Variants in GBP1 observed in about 807,000 individuals in gnomAD.
GBP1 encodes guanylate binding protein 1, also known as guanylate-binding protein 1.
In GBP1, 64 loss-of-function variants were observed where a neutral mutation model predicts 69.5. That is an observed-to-expected ratio of 0.92 (90% CI 0.75 to 1.13). The LOEUF (loss-of-function observed/expected upper bound fraction) is 1.13, where lower values mean the gene tolerates loss of function less well. Ranked by LOEUF, GBP1 falls within the 50% of genes most tolerant of loss-of-function variation. The pLI is 0.00. For missense variants in GBP1, 630 were observed against 704.1 expected (o/e 0.89, Z 1.19); for synonymous variants, 250 against 261.2 (o/e 0.96, Z 0.41).
In GBP1 at chr1:89,063,077, T is replaced by C. The variant is rs759366086; in HGVS notation, c.158A>G (p.Tyr53Cys). 2 of 1,614,060 alleles carry C rather than the reference T, an allele frequency of 1.2e-6. No individual in the cohort carries two copies. ...IVGLYRTGKSYLMNKLAGKKK... is the reference protein window; with the variant it reads ...IVGLYRTGKSCLMNKLAGKKK... ...CTTTCCAGCCAGCTTGTTCATCAGG[T>C]AGGATTTGCCTGTGCGGTAGAGGCC... Residue 53 changes from tyrosine to cysteine, a missense_variant, in exon 2 of 11, where the codon TAC becomes TGC. Physicochemically the swap from Tyr to Cys is radical, Grantham distance 194. Transcript: ENST00000370473.
intron 5 of GBP1, 149 bp from the exon 6 acceptor site, chr1:89,058,383 A>G (rs1257874202): frequency 1.3e-5 from 9 of 698,966 alleles, no homozygotes; most frequent in Non-Finnish European, 1.9e-5. Context: ...AGCTTTAGAC[A>G]ATATGTAAAT....
intron 2 of GBP1, among the ~76,000 whole-genome samples, chr1:89,062,179 G>A (rs371675636): frequency 2.0e-5 from 3 of 152,314 alleles, no homozygotes; most frequent in Admixed American, 6.5e-5. Flanking sequence ...CCCAAAAGAA[G>A]TGAAAGCAGG....
rs1679965207 is a variant in GBP1, at chr1:89,053,359, C to T, written c.1775G>A (p.Ser592Asn). ...KMRRRKACTI[S>N] ...GTGACAGGAAGGCTCTGGTCTTTAGCTTATGGTACATGCCTTTCGTCGTCT... is the reference window on the plus strand; with the variant it reads ...GTGACAGGAAGGCTCTGGTCTTTAGTTTATGGTACATGCCTTTCGTCGTCT... The change falls in exon 11 of 11, where the codon AGC (serine) becomes AAC (asparagine). Residue 592 changes from serine to asparagine, a missense_variant. By Grantham distance (46) the Ser-to-Asn change is conservative. Around this residue, in one of 5 missense-constraint regions of GBP1, gnomAD observed 71 missense variants for 72.7 expected, o/e 0.98. Transcript: ENST00000370473. The T allele has an allele frequency of 1.2e-6, 2 of 1,612,348 alleles. No individual in the cohort carries two copies. The highest frequency in any genetic ancestry group is 3.3e-5 in the Admixed American group (2 of 59,892).
chr1:89,055,434 G>A (rs1400787186), intron 8 of GBP1: 1 of 554,422 alleles, frequency 1.8e-6, no homozygotes, highest in East Asian at 3.2e-5. Flanking sequence ...TATAGATACT[G>A]GGAAAAGGAG....
rs768227259 is a variant in GBP1, at chr1:89,060,333, G to A, written c.191-9C>T. 4 of 1,558,976 alleles carry A rather than the reference G, an allele frequency of 2.6e-6. No homozygotes were observed. In the Admixed American group the frequency reaches 8.1e-5, roughly 31 times the overall value. On this transcript the variant is annotated splice_polypyrimidine_tract_variant and intron_variant, in intron 2 of 10. Coordinates refer to ENST00000370473, the MANE Select transcript of GBP1 (RefSeq NM_002053.3). ...GGAGCCCAGAGAGAAGCCTGCAAGGGAGAGAGGAGACCAGCGATGGGGATT... is the reference window on the plus strand; with the variant it reads ...GGAGCCCAGAGAGAAGCCTGCAAGGAAGAGAGGAGACCAGCGATGGGGATT...
chr1:89,058,414 C>CA (rs1211472416), intron 5 of GBP1, 180 bp from the exon 6 acceptor site: 1 of 588,610 alleles, frequency 1.7e-6, no homozygotes, highest in South Asian at 2.6e-5. Flanking sequence ...AGCATTATTC[C>CA]AAAAAAACCT....
rs753075692 is a variant in GBP1, at chr1:89,058,281, T to G, written c.632-47A>C. ...TATAAAATTGCCTAATATAAGTGTT[T>G]CTGTAAAGGGCCAAATAGTAAATAT... On this transcript the variant is annotated intron_variant, in intron 5 of 10. Transcript: ENST00000370473. 19 of 1,479,936 alleles carry G rather than the reference T, an allele frequency of 1.3e-5. 1 individual carries two copies. The South Asian group carries it at 2.6e-4, about 20-fold the overall frequency. The allele number at this position is 1,479,936 out of a possible 1,614,324, so 91.7% of individuals were successfully genotyped here. A position where few individuals can be genotyped will look rare whatever the true frequency, so the allele number is the denominator to read the frequency against.
chr1:89,058,246 T>C lies in GBP1; in HGVS notation c.632-12A>G, dbSNP rs1229190559. ...TTTTTGACTGGTACCTAGAAAAACA[T>C]TTAAAAAATTATAAAATTGCCTAAT... On this transcript the variant is annotated splice_polypyrimidine_tract_variant and intron_variant, in intron 5 of 10. Transcript: ENST00000370473. 1 of 1,561,186 alleles carries C rather than the reference T, an allele frequency of 6.4e-7. No individual in the cohort carries two copies. Among genetic ancestry groups the C allele is most frequent in the East Asian group, 2.2e-5 (1 of 44,560 alleles).
rs1014592216 is a variant in GBP1 at position 89,056,133 on chromosome 1, A to G, written c.1251T>C (p.Pro417=). The part of the protein sequence containing the change: ...CSALLQVIFS[P]LEEEVKAGIY... Reference sequence around the variant, plus strand: ...TTCCCGCCTTCACTTCTTCTTCTAGAGGACTGAAAATGACCTGAAGTAAAG... The same window carrying G: ...TTCCCGCCTTCACTTCTTCTTCTAGGGGACTGAAAATGACCTGAAGTAAAG... Residue 417 remains proline, a synonymous_variant, in exon 8 of 11, where the codon CCT becomes CCC. Coordinates refer to ENST00000370473, the MANE Select transcript of GBP1 (RefSeq NM_002053.3). The G allele has an allele frequency of 8.6e-5, 139 of 1,613,848 alleles. No individual in the cohort carries two copies. The highest frequency in any genetic ancestry group is 1.6e-4 in the Middle Eastern group (1 of 6,078).
chr1:89,060,135 A>T, intron 3 of GBP1, 62 bp downstream of exon 3: 1 of 1,478,646 alleles, frequency 6.8e-7, no homozygotes. Context: ...TAAACAATTA[A>T]CCGCTGCATA....
intron 7 of GBP1, 121 bp from the exon 8 acceptor site, chr1:89,056,349 C>A: frequency 6.6e-7 from 1 of 1,504,274 alleles, no homozygotes; most frequent in South Asian, 1.2e-5. Context: ...TGACAGCCTC[C>A]TCACCAGGAC....
rs149518665 is a variant in GBP1 at position 89,064,362 on chromosome 1, G to T, written c.-20+798C>A. Among the ~76,000 whole-genome samples the T allele has an allele frequency of 2.6e-4, 40 of 152,200 alleles. No homozygotes were observed. The East Asian group carries it at 7.7e-3, about 29-fold the overall frequency. ...CTTTGCAGAAGGCAGGATCAAAGTA[G>T]TCTGAGTGCATGGAGAGGTTAAAGT... On this transcript the variant is annotated intron_variant, in intron 1 of 10. Coordinates refer to ENST00000370473, the MANE Select transcript of GBP1 (RefSeq NM_002053.3).
Position 89,054,752 on chromosome 1 carries a change from G to T in GBP1, c.1595C>A (p.Thr532Asn), listed in dbSNP as rs756895736. ...GACCCTGTCGTTCTCCATCTTCTCA[G>T]TCAGTTGTTTCAAGTGTTCCTGATA... Reference protein sequence around the residue: ...RSYQEHLKQLTEKMENDRVQL... With the variant: ...RSYQEHLKQLNEKMENDRVQL... The change falls in exon 10 of 11, where the codon ACT becomes AAT. Residue 532 changes from threonine (T) to asparagine (N), a missense_variant. Coordinates refer to ENST00000370473, the MANE Select transcript of GBP1 (RefSeq NM_002053.3). 1.2e-6 allele frequency: 2 copies of T among 1,614,214 alleles called. No individual in the cohort carries two copies. The highest frequency in any genetic ancestry group is 1.7e-6 in the Non-Finnish European group (2 of 1,180,018).
intron 4 of GBP1, 42 bp from the exon 5 acceptor site, chr1:89,059,085 C>T (rs1173136691): frequency 2.4e-5 from 38 of 1,612,490 alleles, no homozygotes; most frequent in Non-Finnish European, 3.1e-5. Flanking sequence ...TGAACAGGGA[C>T]CTCATCCCAT....
chr1:89,061,028 G>T (rs1270436801), intron 2 of GBP1, among the ~76,000 whole-genome samples: 2 of 152,170 alleles, frequency 1.3e-5, no homozygotes, highest in East Asian at 3.9e-4. Flanking sequence ...ACCCTTTAAA[G>T]AAATTATAGA....
In GBP1 at chr1:89,058,244, C is replaced by T. The variant is rs60070945; in HGVS notation, c.632-10G>A. On this transcript the variant is annotated splice_polypyrimidine_tract_variant and intron_variant, in intron 5 of 10. Transcript: ENST00000370473. ...TCTTTTTGACTGGTACCTAGAAAAA[C>T]ATTTAAAAAATTATAAAATTGCCTA... 0.28 allele frequency: 443,983 copies of T among 1,560,902 alleles called. 65,053 individuals carry two copies. The highest frequency in any genetic ancestry group is 0.3 in the Non-Finnish European group (345,240 of 1,156,032).
intron 3 of GBP1, 114 bp from the exon 4 acceptor site, chr1:89,059,540 T>TC (rs941029613): frequency 5.9e-5 from 54 of 909,962 alleles, no homozygotes; most frequent in Middle Eastern, 7.4e-4. Flanking sequence ...TCTTTTCTTT[T>TC]TTTTTTTTTT....
In GBP1 at chr1:89,059,421, G is replaced by T. The variant is rs1315644942; in HGVS notation, c.324C>A (p.Asp108Glu). The stretch of plus-strand genomic sequence containing the variant: ...CGAAGATCCAGGAGTCATTCTGGTT[G>T]TCACCCTGGAAGTCAAGACACACTG... ...TEGLGDVEKG[D>E]NQNDSWIFAL... The change falls in exon 4 of 11, where the codon GAC becomes GAA. Residue 108 changes from aspartate to glutamate, a missense_variant. Coordinates refer to ENST00000370473, the MANE Select transcript of GBP1 (RefSeq NM_002053.3). 1 of 1,613,844 alleles carries T rather than the reference G, an allele frequency of 6.2e-7. No homozygotes were observed. The highest frequency in any genetic ancestry group is 2.2e-5 in the East Asian group (1 of 44,858).
At chr1:89,059,517 G>C in intron 3 of GBP1, 91 bp from the exon 4 acceptor site, 1 of 1,095,702 alleles carries the variant, frequency 9.1e-7, no homozygotes, top group Non-Finnish European at 1.3e-6. Flanking sequence ...TCATATGTTA[G>C]AGGGTTTTTT....
Sources: allele counts gnomAD v4.1 joint callset (sites outside exome capture counted in the v4.1 genomes callset), GRCh38; gene constraint gnomAD v4.1.1; regional missense constraint gnomAD v4.1.1; transcripts MANE v1.5; gene names NCBI Gene and HGNC (gene_info 2026-07-23, HGNC 2026-07-21).